Variants in DCC observed in about 807,000 individuals in gnomAD.
DCC encodes the protein netrin receptor DCC.
Under a neutral mutation model 172.5 loss-of-function variants are expected in DCC, and 58 were observed. The observed-to-expected ratio is 0.34, with a 90% CI of 0.27 to 0.42. DCC has a LOEUF of 0.42. DCC is among the 10% of genes least tolerant of loss of function. The pLI, the probability that DCC is intolerant of heterozygous loss-of-function variation, is 1.00. For missense variants in DCC, 1,740 were observed against 1,791.0 expected (o/e 0.97, Z 0.51); for synonymous variants, 709 against 644.5 (o/e 1.10, Z -1.52).
At chr18:52,537,989 C>G (rs995574016) in intron 1 of DCC, among the ~76,000 whole-genome samples, 1 of 152,196 alleles carries the variant, frequency 6.6e-6, no homozygotes, top group African/African-American at 2.4e-5. Context: ...TAGGCTCTAG[C>G]TGTGGCTACC....
intron 24 of DCC, among the ~76,000 whole-genome samples, chr18:53,463,403 A>G (rs1237535476): frequency 6.6e-6 from 1 of 152,156 alleles, no homozygotes; most frequent in African/African-American, 2.4e-5. Context: ...AGTAATCCTC[A>G]AAGTCCTGCA....
intron 13 of DCC, among the ~76,000 whole-genome samples, chr18:53,312,340 C>CAAAAAAAAAAAAA (rs1218591102): frequency 3.4e-4 from 6 of 17,516 alleles, no homozygotes; most frequent in Non-Finnish European, 3.6e-4. Flanking sequence ...GACTCTGTCT[C>CAAAAAAAAAAAAA]AAAAAAAAAA....
At chr18:52,907,383 GAT>G (rs1293257831) in intron 3 of DCC, among the ~76,000 whole-genome samples, 2 of 145,094 alleles carry the variant, frequency 1.4e-5, no homozygotes, top group African/African-American at 2.7e-5. Context: ...ATATATGCAT[GAT>G]ATATGTCATG....
intron 15 of DCC, among the ~76,000 whole-genome samples, chr18:53,370,080 G>A (rs959433536): frequency 2.6e-5 from 4 of 151,686 alleles, no homozygotes; most frequent in African/African-American, 9.7e-5. Context: ...AAACCCATGA[G>A]GTCCTGGACT....
intron 5 of DCC, among the ~76,000 whole-genome samples, chr18:52,981,042 A>G (rs2041200955): frequency 6.6e-6 from 1 of 152,096 alleles, no homozygotes; most frequent in Non-Finnish European, 1.5e-5. Flanking sequence ...TCTTTAAGAA[A>G]AGAAATTCCC....
chr18:53,297,732 A>C (rs924857), intron 12 of DCC, among the ~76,000 whole-genome samples: 23,158 of 152,184 alleles, frequency 0.15, 2,546 homozygotes, highest in African/African-American at 0.3. Flanking sequence ...ATGCCTTATA[A>C]CATTAATAAG....
At chr18:52,788,836 G>A (rs925972588) in intron 2 of DCC, among the ~76,000 whole-genome samples, 1 of 152,142 alleles carries the variant, frequency 6.6e-6, no homozygotes, top group African/African-American at 2.4e-5. Context: ...TTTTATAATG[G>A]ATTTTGGATC....
intron 1 of DCC, among the ~76,000 whole-genome samples, chr18:52,346,667 C>A (rs1983892767): frequency 6.6e-6 from 1 of 151,864 alleles, no homozygotes; most frequent in Admixed American, 6.6e-5. Flanking sequence ...ATTAATAGTT[C>A]CAAACAACCA....
At chr18:53,080,913 C>T (rs117570980) in intron 7 of DCC, among the ~76,000 whole-genome samples, 4 of 152,054 alleles carry the variant, frequency 2.6e-5, no homozygotes, top group Non-Finnish European at 5.9e-5. Context: ...AGTCATTCTC[C>T]TACTGATGGG....
chr18:53,212,550 C>T (rs2055772487), intron 11 of DCC, among the ~76,000 whole-genome samples: 1 of 152,082 alleles, frequency 6.6e-6, no homozygotes, highest in South Asian at 2.1e-4. Flanking sequence ...AGCCAGTGTG[C>T]TATCAGTGGA....
intron 14 of DCC, among the ~76,000 whole-genome samples, chr18:53,333,069 C>CA (rs11323974): frequency 0.39 from 46,687 of 120,252 alleles, 8,196 homozygotes; most frequent in East Asian, 0.57. Flanking sequence ...GAACCTGTCT[C>CA]AAAAAAAAAA....
intron 9 of DCC, among the ~76,000 whole-genome samples, chr18:53,191,148 A>T (rs1176423537): frequency 6.6e-6 from 1 of 152,324 alleles, no homozygotes; most frequent in East Asian, 1.9e-4. Flanking sequence ...GAAATAAAAA[A>T]TAATGATTAC....
intron 17 of DCC, among the ~76,000 whole-genome samples, chr18:53,394,670 G>A (rs189699181): frequency 3.5e-4 from 54 of 152,116 alleles, no homozygotes; most frequent in African/African-American, 1.2e-3. Context: ...CTCAATGGGA[G>A]GAGCATATAA....
intron 1 of DCC, among the ~76,000 whole-genome samples, chr18:52,343,251 TACA>T (rs1472459812): frequency 5.3e-5 from 8 of 152,330 alleles, no homozygotes; most frequent in African/African-American, 1.7e-4. Context: ...GCAGGAAACT[TACA>T]ACGAGAAAGC....
chr18:53,375,702 T>A (rs1388638165), intron 15 of DCC, among the ~76,000 whole-genome samples: 1 of 151,576 alleles, frequency 6.6e-6, no homozygotes, highest in Non-Finnish European at 1.5e-5. Flanking sequence ...AATTTTCTGA[T>A]GTAAAGCTTT....
chr18:52,876,435 C>A (rs2039403917), intron 2 of DCC, among the ~76,000 whole-genome samples: 5 of 152,222 alleles, frequency 3.3e-5, no homozygotes, highest in Non-Finnish European at 7.3e-5. Flanking sequence ...CATAGGCATA[C>A]ATTCTTTACT....
chr18:52,463,458 A>C (rs1423756664), intron 1 of DCC, among the ~76,000 whole-genome samples: 3 of 152,198 alleles, frequency 2.0e-5, no homozygotes, highest in Non-Finnish European at 4.4e-5. Context: ...TGTATTAAGC[A>C]CATACTAAGA....
chr18:52,792,759 T>TTCC (rs1568106976), intron 2 of DCC, among the ~76,000 whole-genome samples: 33 of 27,978 alleles, frequency 1.2e-3, no homozygotes, highest in Admixed American at 1.9e-3. Flanking sequence ...CAGTTGATTC[T>TTCC]ATTCCATTCT....
chr18:53,021,068 A>G (rs2041873423), intron 5 of DCC, among the ~76,000 whole-genome samples: 1 of 152,136 alleles, frequency 6.6e-6, no homozygotes, highest in African/African-American at 2.4e-5. Flanking sequence ...CTCACCTTCT[A>G]CTGATTTCTC....
Sources: allele counts gnomAD v4.1 joint callset (sites outside exome capture counted in the v4.1 genomes callset), GRCh38; gene constraint gnomAD v4.1.1; transcripts MANE v1.5; gene names NCBI Gene and HGNC (gene_info 2026-07-23, HGNC 2026-07-21).